The following ANXA8 variants were observed in gnomAD, a reference collection of about 807,000 sequenced individuals.
ANXA8 encodes the protein VAC-beta.
In ANXA8, 9 loss-of-function variants were observed where a neutral mutation model predicts 26.8. That is an observed-to-expected ratio of 0.34 (90% CI 0.20 to 0.59). The LOEUF (loss-of-function observed/expected upper bound fraction) is 0.59, where lower values mean the gene tolerates loss of function less well. Ranked by LOEUF, ANXA8 falls within the 20% of genes least tolerant of loss-of-function variation. The probability of loss-of-function intolerance (pLI) is 0.84; values close to 1 mark genes in which losing one functional copy is unlikely to be tolerated. For synonymous variants in ANXA8, 39 were observed against 94.8 expected (o/e 0.41, Z 3.42); for missense variants, 83 against 238.5 (o/e 0.35, Z 4.29).
intron 1 of ANXA8, among the ~76,000 whole-genome samples, chr10:47,483,523 A>G (rs1245445738): frequency 1.5e-5 from 2 of 136,264 alleles, no homozygotes; most frequent in Admixed American, 1.4e-4. Flanking sequence ...TGCCAGGAGC[A>G]GTATGCCTGA....
the ANXA8 span, among the ~76,000 whole-genome samples, chr10:47,684,066 T>C: frequency 6.6e-6 from 1 of 151,952 alleles, no homozygotes; most frequent in Middle Eastern, 3.2e-3. Flanking sequence ...TATTGGTTTT[T>C]CCGACTGAAG....
the ANXA8 span, among the ~76,000 whole-genome samples, chr10:47,645,403 A>G: frequency 6.7e-6 from 1 of 148,270 alleles, no homozygotes; most frequent in Non-Finnish European, 1.5e-5. Flanking sequence ...GCAGATCTGC[A>G]GGATGCAAAA....
chr10:47,652,841 A>G, the ANXA8 span, among the ~76,000 whole-genome samples: 3 of 148,966 alleles, frequency 2.0e-5, no homozygotes, highest in East Asian at 5.8e-4. Context: ...CCAGCATATC[A>G]ATTGAAGGGT....
At chr10:47,499,983 C>T in the ANXA8 span, among the ~76,000 whole-genome samples, 9 of 151,542 alleles carry the variant, frequency 5.9e-5, no homozygotes, top group African/African-American at 2.2e-4. Flanking sequence ...ATTGCCCAGT[C>T]TGGTCTTGAA....
the ANXA8 span, among the ~76,000 whole-genome samples, chr10:47,705,389 G>A: frequency 7.6e-6 from 1 of 130,840 alleles, no homozygotes; most frequent in Non-Finnish European, 1.6e-5. Context: ...AGCATATCTT[G>A]TAGATGTTGA....
the ANXA8 span, chr10:47,563,712 A>G: frequency 5.0e-6 from 4 of 802,090 alleles, no homozygotes; most frequent in Non-Finnish European, 9.1e-6. Context: ...TTGCTACCTA[A>G]TGAGAACTCT....
chr10:47,603,497 T>A, the ANXA8 span, among the ~76,000 whole-genome samples: 3 of 147,388 alleles, frequency 2.0e-5, no homozygotes, highest in East Asian at 5.8e-4. Flanking sequence ...TCATTCACGT[T>A]AGCATATAAT....
the ANXA8 span, among the ~76,000 whole-genome samples, chr10:47,961,172 TG>T: frequency 6.8e-6 from 1 of 147,016 alleles, no homozygotes; most frequent in Non-Finnish European, 1.5e-5. Flanking sequence ...CTAAAATGTG[TG>T]GGCCTTGAGG....
the ANXA8 span, among the ~76,000 whole-genome samples, chr10:47,895,205 G>A: frequency 4.0e-5 from 6 of 151,784 alleles, no homozygotes; most frequent in Non-Finnish European, 7.4e-5. Flanking sequence ...TCCTGGGGAC[G>A]GAGGACTGCG....
the ANXA8 span, among the ~76,000 whole-genome samples, chr10:47,703,149 A>G: frequency 7.9e-5 from 12 of 151,918 alleles, no homozygotes; most frequent in East Asian, 2.3e-3. Context: ...CCCATAGATT[A>G]AAATCTTTAC....
At chr10:47,586,161 GA>G in the ANXA8 span, among the ~76,000 whole-genome samples, 1 of 140,756 alleles carries the variant, frequency 7.1e-6, no homozygotes, top group Non-Finnish European at 1.5e-5. Flanking sequence ...TCAGTTTTAG[GA>G]AATTACCCTG....
At chr10:47,682,270 G>T in the ANXA8 span, among the ~76,000 whole-genome samples, 81 of 139,586 alleles carry the variant, frequency 5.8e-4, no homozygotes, top group Non-Finnish European at 8.9e-4. Flanking sequence ...GTATTAGAAG[G>T]CACATTCTTC....
upstream of ANXA8, among the ~76,000 whole-genome samples, chr10:47,485,722 A>G (rs1203306314): frequency 1.0e-3 from 157 of 152,094 alleles, 6 homozygotes; most frequent in African/African-American, 3.7e-3. Context: ...TTTAACCTCT[A>G]TGATACTGAC....
chr10:47,686,813 A>G, the ANXA8 span, among the ~76,000 whole-genome samples: 2 of 151,936 alleles, frequency 1.3e-5, no homozygotes, highest in African/African-American at 4.8e-5. Context: ...TGGCTTCTAG[A>G]AGGTCATTGG....
At chr10:47,687,333 C>T in the ANXA8 span, among the ~76,000 whole-genome samples, 14 of 150,874 alleles carry the variant, frequency 9.3e-5, no homozygotes, top group East Asian at 1.9e-4. Flanking sequence ...TGCAGTGGCA[C>T]GATCTTGGCT....
the ANXA8 span, among the ~76,000 whole-genome samples, chr10:47,573,204 G>A: frequency 1.3e-4 from 20 of 148,750 alleles, no homozygotes; most frequent in African/African-American, 2.3e-4. Context: ...GGATGGTCTC[G>A]ATCTCTTGAC....
chr10:47,673,653 GC>G, the ANXA8 span, among the ~76,000 whole-genome samples: 1 of 151,798 alleles, frequency 6.6e-6, no homozygotes, highest in Admixed American at 6.6e-5. Flanking sequence ...AGTTCCTACA[GC>G]TTTTTTTTCT....
the ANXA8 span, among the ~76,000 whole-genome samples, chr10:47,701,870 C>G: frequency 6.6e-6 from 1 of 151,264 alleles, no homozygotes; most frequent in Non-Finnish European, 1.5e-5. Context: ...AATAACTACA[C>G]AGAAGGGGGT....
At chr10:47,988,767 G>A in the ANXA8 span, among the ~76,000 whole-genome samples, 1 of 151,556 alleles carries the variant, frequency 6.6e-6, no homozygotes, top group East Asian at 1.9e-4. Flanking sequence ...AGAATTGGAG[G>A]CCATCAAGGA....
Sources: allele counts gnomAD v4.1 joint callset (sites outside exome capture counted in the v4.1 genomes callset), GRCh38; gene constraint gnomAD v4.1.1; transcripts MANE v1.5; gene names NCBI Gene and HGNC (gene_info 2026-07-23, HGNC 2026-07-21).